Variants in GIGYF2 observed in about 807,000 individuals in gnomAD.
GIGYF2 encodes the protein GRB10-interacting GYF protein 2.
A neutral mutation model predicts 208.1 loss-of-function variants in GIGYF2; 25 were observed. The observed-to-expected ratio is 0.12, with a 90% confidence interval of 0.09 to 0.17. The LOEUF is 0.17. GIGYF2 is among the 10% of genes least tolerant of loss of function. GIGYF2 has a pLI of 1.00. For missense variants in GIGYF2, 1,302 were observed against 1,579.4 expected (o/e 0.82, Z 2.98); for synonymous variants, 534 against 543.8 (o/e 0.98, Z 0.25).
intron 2 of GIGYF2, among the ~76,000 whole-genome samples, chr2:232,713,187 A>G (rs1048607935): frequency 1.3e-5 from 2 of 150,936 alleles, no homozygotes; most frequent in East Asian, 3.9e-4. Flanking sequence ...GCTATTCTCC[A>G]GCCTCAGCCT....
chr2:232,777,614 C>CT, intron 8 of GIGYF2, among the ~76,000 whole-genome samples: 1 of 95,426 alleles, frequency 1.0e-5, no homozygotes, highest in South Asian at 3.8e-4. Context: ...TCCTCTCCGT[C>CT]CCCCCCCCGC....
intron 21 of GIGYF2, among the ~76,000 whole-genome samples, chr2:232,829,794 C>A (rs1434941422): frequency 6.6e-6 from 1 of 152,084 alleles, no homozygotes; most frequent in East Asian, 1.9e-4. Flanking sequence ...ACTTTGAGCC[C>A]CTTGCTGGTG....
At chr2:232,795,032 T>C in intron 13 of GIGYF2, 88 bp downstream of exon 13, 3 of 981,604 alleles carry the variant, frequency 3.1e-6, no homozygotes, top group Non-Finnish European at 5.0e-6. Flanking sequence ...ATAAAACTTT[T>C]GTCACTAGAT....
At chr2:232,789,160 A>T (rs73102268) in intron 9 of GIGYF2, among the ~76,000 whole-genome samples, 1 of 152,168 alleles carries the variant, frequency 6.6e-6, no homozygotes, top group South Asian at 2.1e-4. Flanking sequence ...AGTACCTTGC[A>T]TGTCTTACTT....
intron 21 of GIGYF2, among the ~76,000 whole-genome samples, chr2:232,825,541 T>C (rs1264847937): frequency 6.6e-6 from 1 of 152,184 alleles, no homozygotes; most frequent in African/African-American, 2.4e-5. Context: ...AAAGTTTGAA[T>C]GTGTCAGCAG....
At chr2:232,725,515 A>G (rs1446074897) in intron 2 of GIGYF2, among the ~76,000 whole-genome samples, 5 of 152,206 alleles carry the variant, frequency 3.3e-5, no homozygotes, top group Non-Finnish European at 7.3e-5. Context: ...CATCTACAAA[A>G]TTGGGCCAAA....
chr2:232,837,571 T>C (rs1701678760), intron 22 of GIGYF2, among the ~76,000 whole-genome samples: 1 of 152,096 alleles, frequency 6.6e-6, no homozygotes, highest in Non-Finnish European at 1.5e-5. Context: ...CCTCCTGGCC[T>C]CAGCCTCCTA....
intron 8 of GIGYF2, among the ~76,000 whole-genome samples, chr2:232,775,395 G>A (rs1033801944): frequency 6.6e-6 from 1 of 152,166 alleles, no homozygotes; most frequent in African/African-American, 2.4e-5. Flanking sequence ...ACAGACTTAT[G>A]TAAACAAACA....
At chr2:232,753,640 A>G (rs578081002) in intron 5 of GIGYF2, among the ~76,000 whole-genome samples, 157 of 152,288 alleles carry the variant, frequency 1.0e-3, no homozygotes, top group African/African-American at 3.5e-3. Flanking sequence ...TAAGCACTTA[A>G]CATTTAATGT....
chr2:232,776,079 T>C (rs1699500262), intron 8 of GIGYF2, among the ~76,000 whole-genome samples: 1 of 145,536 alleles, frequency 6.9e-6, no homozygotes, highest in Non-Finnish European at 1.6e-5. Context: ...CTTTTGGCAT[T>C]TGTTTTTTTA....
chr2:232,844,134 G>T lies in GIGYF2; in HGVS notation c.2978G>T (p.Ser993Ile), dbSNP rs560407462. Residue 993 changes from serine (S) to isoleucine (I), a missense_variant, in exon 24 of 29, where the codon AGC (serine) becomes ATC (isoleucine). Ser to Ile is a moderately radical substitution (Grantham distance 142, BLOSUM62 -2). This residue lies in a region of GIGYF2 where 701 missense variants were observed against 793.0 expected (regional missense o/e 0.88). Transcript: ENST00000373563. ...AAACTCTCAGGTTGGGGGAATGTCA[G>T]CAAACCTTCAGGTACCACGAAATCT... ...QQKLSGWGNV[S>I]KPSGTTKSLL... 1.3e-6 allele frequency: 2 copies of T among 1,588,882 alleles called. No individual in the cohort carries two copies. Among genetic ancestry groups the T allele is most frequent in the East Asian group, 4.6e-5 (2 of 43,946 alleles).
chr2:232,705,050 G>A (rs1696029514), intron 2 of GIGYF2, among the ~76,000 whole-genome samples: 2 of 150,762 alleles, frequency 1.3e-5, no homozygotes, highest in Non-Finnish European at 3.0e-5. Flanking sequence ...CAGTAGAGAC[G>A]GGGTTTCACC....
intron 2 of GIGYF2, among the ~76,000 whole-genome samples, chr2:232,716,658 C>T (rs1196114011): frequency 6.6e-6 from 1 of 152,120 alleles, no homozygotes; most frequent in Admixed American, 6.5e-5. Context: ...GCTGGGATTA[C>T]AGGCATGAGC....
At position 232,787,170 on chromosome 2, in the gene GIGYF2, G is replaced by T. The variant is rs1480417398; in HGVS notation, c.553G>T (p.Gly185Cys). 1.2e-6 allele frequency: 2 copies of T among 1,613,876 alleles called. No homozygotes were observed. The highest frequency in any genetic ancestry group is 1.7e-6 in the Non-Finnish European group (2 of 1,179,816). The stretch of plus-strand genomic sequence containing the variant: ...TATAGGGAGACCAAATTTTGAGGAA[G>T]GTGGACCAACATCAGTAGGGAGAAA... ...KDVGRPNFEEGGPTSVGRKHE... is the reference protein window; with the variant it reads ...KDVGRPNFEECGPTSVGRKHE... The change falls in exon 9 of 29, where the codon GGT (glycine) becomes TGT (cysteine). Residue 185 changes from glycine to cysteine, a missense_variant. Gly to Cys is a radical substitution (Grantham distance 159). Around this residue, in one of 8 missense-constraint regions of GIGYF2, gnomAD observed 189 missense variants for 257.7 expected, o/e 0.73. Coordinates refer to ENST00000373563, the MANE Select transcript of GIGYF2 (RefSeq NM_001103146.3).
chr2:232,801,585 G>A (rs191011892), intron 14 of GIGYF2, among the ~76,000 whole-genome samples: 2 of 152,278 alleles, frequency 1.3e-5, no homozygotes, highest in East Asian at 3.8e-4. Context: ...TACATATTAT[G>A]GATGGCTAAG....
intron 14 of GIGYF2, among the ~76,000 whole-genome samples, chr2:232,800,589 CTTTTTTTTT>C (rs756914156): frequency 1.6e-5 from 1 of 61,252 alleles, no homozygotes; most frequent in Non-Finnish European, 3.6e-5. Flanking sequence ...TTCTTTTTTT[CTTTTTTTTT>C]TTTTAAGACC....
At position 232,790,912 on chromosome 2, in the gene GIGYF2, A is replaced by G. The variant is rs774346761; in HGVS notation, c.927A>G (p.Leu309=). 6 of 1,613,682 alleles carry G rather than the reference A, an allele frequency of 3.7e-6. No homozygotes were observed. The highest frequency in any genetic ancestry group is 2.7e-5 in the African/African-American group (2 of 74,910). Residue 309 remains leucine (L), a synonymous_variant, in exon 10 of 29, where the codon CTA becomes CTG. Coordinates refer to ENST00000373563, the MANE Select transcript of GIGYF2 (RefSeq NM_001103146.3). ...TFDSSGAFLS[L]KKVQKEPIPE... is the part of the protein sequence containing the mutation. The stretch of plus-strand genomic sequence containing the variant: ...ACTCATCTGGAGCATTCCTTTCTCT[A>G]AAAGTAAGAAACGTGTTTTAAATGT...
intron 8 of GIGYF2, among the ~76,000 whole-genome samples, chr2:232,771,920 G>A (rs1699273454): frequency 6.6e-6 from 1 of 152,160 alleles, no homozygotes; most frequent in Non-Finnish European, 1.5e-5. Flanking sequence ...TTACATTTGT[G>A]GTAAGCTTTT....
chr2:232,839,855 T>G lies in GIGYF2; in HGVS notation c.2773T>G (p.Ser925Ala). The G allele has an allele frequency of 6.2e-7, 1 of 1,614,122 alleles. No homozygotes were observed. The highest frequency in any genetic ancestry group is 8.5e-7 in the Non-Finnish European group (1 of 1,179,966). Residue 925 changes from serine to alanine, a missense_variant, in exon 23 of 29, where the codon TCT (serine) becomes GCT (alanine). Coordinates refer to ENST00000373563, the MANE Select transcript of GIGYF2 (RefSeq NM_001103146.3). ...QQQLAQMKLP[S>A]SSTWGQQSNT... ...GCCTTCCCTTTTTTGTTAGCTTCCT[T>G]CTTCTTCAACGTGGGGCCAGCAGTC...
Sources: gnomAD v4.1 joint callset for allele counts (sites outside exome capture counted in the v4.1 genomes callset) on GRCh38, gnomAD v4.1.1 for gene constraint, gnomAD v4.1.1 regional missense constraint, MANE v1.5 for transcripts, NCBI Gene and HGNC (gene_info 2026-07-23, HGNC 2026-07-21) for gene names.